Variants in PKD1 observed in about 807,000 individuals in gnomAD.
PKD1 encodes polycystin-1.
A neutral mutation model predicts 361.7 loss-of-function variants in PKD1; 81 were observed. The ratio of observed to expected loss-of-function variants is 0.22; its 90% CI spans 0.19 to 0.27. The LOEUF (loss-of-function observed/expected upper bound fraction) is 0.27, where lower values mean the gene tolerates loss of function less well. Among genes scored for constraint, PKD1 ranks in the 10% least tolerant of loss-of-function variants. The probability of loss-of-function intolerance (pLI) is 1.00; values close to 1 mark genes in which losing one functional copy is unlikely to be tolerated. For synonymous variants in PKD1, 3,615 were observed against 2,818.3 expected (o/e 1.28, Z -8.95); for missense variants, 6,399 against 6,118.3 (o/e 1.05, Z -1.53).
chr16:2,106,163 C>T lies in PKD1; in HGVS notation c.7631G>A (p.Arg2544Lys), dbSNP rs770573212. The part of the protein sequence containing the change: ...SYGAVLPPGF[R>K]PHFEVGLAVV... Reference sequence around the variant, plus strand: ...GGCCAGGCCCACCTCGAAGTGTGGCCTGAAACCCGGGGGCAGCACGGCTCC... The same window carrying T: ...GGCCAGGCCCACCTCGAAGTGTGGCTTGAAACCCGGGGGCAGCACGGCTCC... Residue 2544 changes from arginine (R) to lysine (K), a missense_variant, in exon 19 of 46, where the codon AGG becomes AAG. By Grantham distance (26) the Arg-to-Lys change is conservative (BLOSUM62 2). Transcript: ENST00000262304. The surrounding 1 kb of genome is among the most constrained non-coding windows in gnomAD (Gnocchi z 6.5). 2.5e-5 allele frequency: 41 copies of T among 1,608,738 alleles called. No individual in the cohort carries two copies. Among genetic ancestry groups the T allele is most frequent in the Admixed American group, 2.3e-4 (14 of 59,754 alleles).
chr16:2,100,323 G>A lies in PKD1; in HGVS notation c.9569-14C>T. On this transcript the variant is annotated splice_polypyrimidine_tract_variant and intron_variant, in intron 27 of 45. Coordinates refer to ENST00000262304, the MANE Select transcript of PKD1 (RefSeq NM_001009944.3). This position sits in a 1 kb window ranked among gnomAD's most constrained non-coding sequence, Gnocchi z 4.4. The stretch of plus-strand genomic sequence containing the variant: ...CAGGGCTGAGCCCTGCAGAGGCGCA[G>A]GAGGGAGGTCAGGCTCGCAGGGCGC... 6.2e-7 allele frequency: 1 copy of A among 1,610,032 alleles called. No homozygotes were observed. The highest frequency in any genetic ancestry group is 8.5e-7 in the Non-Finnish European group (1 of 1,179,230).
Position 2,099,024 on chromosome 16 carries a change from G to C in PKD1, c.10050+620C>G, listed in dbSNP as rs1249433757. 2.3e-5 allele frequency: 4 copies of C among 176,376 alleles called. 1 individual carries two copies. The highest frequency in any genetic ancestry group is 9.9e-5 in the African/African-American group (4 of 40,582). The allele number at this position is 176,376 out of a possible 1,614,324, so 10.9% of individuals were successfully genotyped here. A position where few individuals can be genotyped will look rare whatever the true frequency, so the allele number is the denominator to read the frequency against. ...TTTTTGTATTTGTAGTAGAGTCGGG[G>C]TTTCATTGTGTTGGCCAGGCTGGTC... On this transcript the variant is annotated intron_variant, in intron 30 of 45. Coordinates refer to ENST00000262304, the MANE Select transcript of PKD1 (RefSeq NM_001009944.3).
At position 2,105,337 on chromosome 16, in the gene PKD1, C is replaced by T. The variant is rs772926837; in HGVS notation, c.8001G>A (p.Ala2667=). ...GCCATCCTACCATGCACTGGGCCAGCGCAGCAGCGATCTGCTGGATGTCAT... is the reference window on the plus strand; with the variant it reads ...GCCATCCTACCATGCACTGGGCCAGTGCAGCAGCGATCTGCTGGATGTCAT... ...TVDDIQQIAA[A]LAQCMGPSRE... The change falls in exon 21 of 46, where the codon GCG becomes GCA. Residue 2667 remains alanine, a synonymous_variant. Coordinates refer to ENST00000262304, the MANE Select transcript of PKD1 (RefSeq NM_001009944.3). 1.1e-5 allele frequency: 18 copies of T among 1,593,054 alleles called. No individual in the cohort carries two copies. The Admixed American group carries it at 1.2e-4, about 10-fold the overall frequency.
At chr16:2,092,005 C>G in intron 40 of PKD1, 42 bp downstream of exon 40, 1 of 1,612,628 alleles carries the variant, frequency 6.2e-7, no homozygotes, top group East Asian at 2.2e-5. Flanking sequence ...GAACTACTCC[C>G]TTGTCCTTGG....
rs2091686365 is a variant in PKD1 at position 2,093,312 on chromosome 16, G to A, written c.11017-219C>T. The A allele has an allele frequency of 7.4e-6, 5 of 677,284 alleles. No individual in the cohort carries two copies. The East Asian group carries it at 1.1e-4, about 15-fold the overall frequency. 42.0% of individuals were successfully genotyped at this position (677,284 alleles called of 1,614,324 possible). ...ACACAGGCCACTGCAGTGGTGCTTA[G>A]GGGCCTTCAGGGCCAGGCAGGAGTG... On this transcript the variant is annotated intron_variant, in intron 37 of 45. Transcript: ENST00000262304.
At chr16:2,094,464 C>T (rs895883793) in intron 34 of PKD1, among the ~76,000 whole-genome samples, 1 of 152,192 alleles carries the variant, frequency 6.6e-6, no homozygotes, top group Admixed American at 6.5e-5. Flanking sequence ...ATAAACCCAT[C>T]GCCCACAGCC....
In PKD1 at chr16:2,105,992, C is replaced by T; in HGVS notation, c.7736G>A (p.Gly2579Asp). The T allele has an allele frequency of 6.2e-7, 1 of 1,604,026 alleles. No homozygotes were observed. Among genetic ancestry groups the T allele is most frequent in the Non-Finnish European group, 8.5e-7 (1 of 1,179,522 alleles). ...CCAGACTGTGAGCCCCGTTGCGCTG[C>T]CGTTGGGCTCTGGGAGGGTGATGGC... is the stretch of plus-strand genomic sequence containing the variant. ...SLAITLPEPN[G>D]SATGLTVWLH... The change falls in exon 20 of 46, where the codon GGC becomes GAC. Residue 2579 changes from glycine to aspartate, a missense_variant. Coordinates refer to ENST00000262304, the MANE Select transcript of PKD1 (RefSeq NM_001009944.3).
rs201355262 is a variant in PKD1 at position 2,109,122 on chromosome 16, G to A, written c.6045C>T (p.Gly2015=). The change falls in exon 15 of 46, where the codon GGC becomes GGT. Residue 2015 remains glycine (G), a synonymous_variant. Coordinates refer to ENST00000262304, the MANE Select transcript of PKD1 (RefSeq NM_001009944.3). ...AWYFSLQKVQ[G]DSLVILSGRD... Reference sequence around the variant, plus strand: ...GGCCCGACAGGATGACCAGCGAGTCGCCCTGGACCTTCTGCAGCGAGAAGT... The same window carrying A: ...GGCCCGACAGGATGACCAGCGAGTCACCCTGGACCTTCTGCAGCGAGAAGT... 38 of 1,603,066 alleles carry A rather than the reference G, an allele frequency of 2.4e-5. No homozygotes were observed. Among genetic ancestry groups the A allele is most frequent in the East Asian group, 4.5e-5 (2 of 44,644 alleles).
In PKD1 at chr16:2,103,815, C is replaced by A. The variant is rs760502433; in HGVS notation, c.8242G>T (p.Val2748Leu). The change falls in exon 23 of 46, where the codon GTG becomes TTG. Residue 2748 changes from valine (V) to leucine (L), a missense_variant. By Grantham distance (32) the Val-to-Leu change is conservative (BLOSUM62 1). Transcript: ENST00000262304. The part of the protein sequence containing the change: ...ELGAESPSRM[V>L]ASQAYNLTSA... ...GTCAGGTTGTAGGCCTGGGACGCCA[C>A]CATCCGAGATGGTGACTCGGCTCCC... is the stretch of plus-strand genomic sequence containing the variant. 1 of 1,608,992 alleles carries A rather than the reference C, an allele frequency of 6.2e-7. No homozygotes were observed. The highest frequency in any genetic ancestry group is 2.2e-5 in the East Asian group (1 of 44,650).
chr16:2,100,413 A>C lies in PKD1; in HGVS notation c.9551T>G (p.Val3184Gly). Residue 3184 changes from valine to glycine, a missense_variant, in exon 27 of 46, where the codon GTG (valine) becomes GGG (glycine). By Grantham distance (109) the Val-to-Gly change is moderately radical. Coordinates refer to ENST00000262304, the MANE Select transcript of PKD1 (RefSeq NM_001009944.3). The surrounding 1 kb of genome is among the most constrained non-coding windows in gnomAD (Gnocchi z 4.4). ...GCACAAACCTTTGTTGTCGTGCCAC[A>C]CTCGGATCTTCCACACGCTACCCAG... Reference protein sequence around the residue: ...HSLGSVWKIRVWHDNKGLSPA... With the variant: ...HSLGSVWKIRGWHDNKGLSPA... 1 of 1,611,238 alleles carries C rather than the reference A, an allele frequency of 6.2e-7. No individual in the cohort carries two copies. The highest frequency in any genetic ancestry group is 8.5e-7 in the Non-Finnish European group (1 of 1,179,774).
rs896265007 is a variant in PKD1, at chr16:2,105,478, G to C, written c.7864-4C>G. 3 of 1,595,066 alleles carry C rather than the reference G, an allele frequency of 1.9e-6. No homozygotes were observed. The highest frequency in any genetic ancestry group is 2.5e-6 in the Non-Finnish European group (3 of 1,179,078). On this transcript the variant is annotated splice_region_variant and splice_polypyrimidine_tract_variant and intron_variant, in intron 20 of 45. Coordinates refer to ENST00000262304, the MANE Select transcript of PKD1 (RefSeq NM_001009944.3). ...CCACGTCCAGGGCCCGCTCGTACTGGGGCAGGCAGGGGGCACAGCAAGCTG... is the reference window on the plus strand; with the variant it reads ...CCACGTCCAGGGCCCGCTCGTACTGCGGCAGGCAGGGGGCACAGCAAGCTG...
chr16:2,122,948 G>A (rs2092745045), intron 1 of PKD1, among the ~76,000 whole-genome samples: 1 of 152,208 alleles, frequency 6.6e-6, no homozygotes, highest in Admixed American at 6.5e-5. Flanking sequence ...GGAAAAGCCT[G>A]AAGATGTTTG....
At chr16:2,129,674 T>C (rs2092844872) in intron 1 of PKD1, among the ~76,000 whole-genome samples, 1 of 151,400 alleles carries the variant, frequency 6.6e-6, no homozygotes, top group Non-Finnish European at 1.5e-5. Context: ...CTCAGTCTCC[T>C]GAATAGCTGG....
chr16:2,105,851 C>T lies in PKD1; in HGVS notation c.7863+14G>A, dbSNP rs777178568. 36 of 1,595,016 alleles carry T rather than the reference C, an allele frequency of 2.3e-5. No individual in the cohort carries two copies. The highest frequency in any genetic ancestry group is 3.0e-5 in the Non-Finnish European group (35 of 1,178,794). ...ATGCAGCAGATGTGACGTCCCCTCC[C>T]AGGCTGCACTCACCTCGTTCAGCAC... On this transcript the variant is annotated intron_variant, in intron 20 of 45. Transcript: ENST00000262304.
rs1413434331 is a variant in PKD1 at position 2,102,045 on chromosome 16, C to T, written c.9397+16G>A. On this transcript the variant is annotated intron_variant, in intron 26 of 45. Transcript: ENST00000262304. ...TGAGAGCAGGGGAGGCCCTGCCACC[C>T]CGCTGCGCCCCTCACCTGAGCCCCG... 5.3e-6 allele frequency: 8 copies of T among 1,523,720 alleles called. No homozygotes were observed. The allele number at this position is 1,523,720 out of a possible 1,614,324, so 94.4% of individuals were successfully genotyped here. A position where few individuals can be genotyped will look rare whatever the true frequency, so the allele number is the denominator to read the frequency against.
intron 30 of PKD1, chr16:2,099,374 CTTCT>C: frequency 2.0e-6 from 1 of 507,536 alleles, no homozygotes; most frequent in Non-Finnish European, 3.6e-6. Flanking sequence ...GTGCTTGCTT[CTTCT>C]GAGTTATCTG....
At position 2,128,412 on chromosome 16, in the gene PKD1, T is replaced by A. The variant is rs558628515; in HGVS notation, c.215+7063A>T. 8.8e-5 allele frequency among the ~76,000 whole-genome samples: 13 copies of A among 147,788 alleles called. No homozygotes were observed. In the East Asian group the frequency reaches 2.6e-3, roughly 29 times the overall value. ...CAGGGCCCCTCAGCCCCTCGGGGAG[T>A]GCAAGCACATCGCAGCCCGACTCGG... is the stretch of plus-strand genomic sequence containing the variant. On this transcript the variant is annotated intron_variant, in intron 1 of 45. Coordinates refer to ENST00000262304, the MANE Select transcript of PKD1 (RefSeq NM_001009944.3).
At chr16:2,107,745 C>G (rs1259646414) in intron 16 of PKD1, 138 bp downstream of exon 16, 2 of 797,606 alleles carry the variant, frequency 2.5e-6, no homozygotes, top group Non-Finnish European at 4.2e-6. Flanking sequence ...AGCAGGCTGT[C>G]GTGTTACATA....
At position 2,103,581 on chromosome 16, in the gene PKD1, T is replaced by C. The variant is rs776197605; in HGVS notation, c.8476A>G (p.Ile2826Val). 16 of 1,609,964 alleles carry C rather than the reference T, an allele frequency of 9.9e-6. No homozygotes were observed. The change falls in exon 23 of 46, where the codon ATC becomes GTC. Residue 2826 changes from isoleucine to valine, a missense_variant. Physicochemically the swap from Ile to Val is conservative, Grantham distance 29. Coordinates refer to ENST00000262304, the MANE Select transcript of PKD1 (RefSeq NM_001009944.3). ...LANLSDVVQLIFLVDSNPFPF... is the reference protein window; with the variant it reads ...LANLSDVVQLVFLVDSNPFPF... ...AAGGGATTGGAGTCCACCAGAAAGA[T>C]GAGCTGCACCACGTCACTGAGGTTG...
Sources: gnomAD v4.1 joint callset for allele counts (sites outside exome capture counted in the v4.1 genomes callset) on GRCh38, gnomAD v4.1.1 for gene constraint, Gnocchi (gnomAD v3.1) non-coding constraint, MANE v1.5 for transcripts, NCBI Gene and HGNC (gene_info 2026-07-23, HGNC 2026-07-21) for gene names.